Variants in NELL2 observed in about 807,000 individuals in gnomAD.
NELL2 encodes the protein neural EGFL like 2.
Under a neutral mutation model 109.6 loss-of-function variants are expected in NELL2, and 41 were observed. The ratio of observed to expected loss-of-function variants is 0.37; its 90% confidence interval spans 0.29 to 0.49. The LOEUF (loss-of-function observed/expected upper bound fraction) is 0.49, where lower values mean the gene tolerates loss of function less well. NELL2 is among the 20% of genes least tolerant of loss of function. NELL2 has a pLI of 0.98. For synonymous variants in NELL2, 355 were observed against 344.7 expected (o/e 1.03, Z -0.33); for missense variants, 900 against 1,008.3 (o/e 0.89, Z 1.45).
intron 13 of NELL2, among the ~76,000 whole-genome samples, chr12:44,652,126 T>C (rs1947320886): frequency 6.6e-6 from 1 of 152,304 alleles, no homozygotes; most frequent in South Asian, 2.1e-4. Context: ...CTTGCTGGCA[T>C]AGAGTACTCC....
At chr12:44,680,964 T>C (rs944252585) in intron 12 of NELL2, among the ~76,000 whole-genome samples, 3 of 152,152 alleles carry the variant, frequency 2.0e-5, no homozygotes, top group African/African-American at 4.8e-5. Flanking sequence ...TCAAATATGA[T>C]GTCAGCACTA....
At chr12:44,732,333 T>C (rs1244968691) in intron 9 of NELL2, among the ~76,000 whole-genome samples, 1 of 151,932 alleles carries the variant, frequency 6.6e-6, no homozygotes, top group Non-Finnish European at 1.5e-5. Context: ...AAAGCTACAG[T>C]ACATAAAACC....
intron 9 of NELL2, among the ~76,000 whole-genome samples, chr12:44,769,588 C>G (rs1378849135): frequency 6.6e-6 from 1 of 152,104 alleles, no homozygotes; most frequent in Non-Finnish European, 1.5e-5. Flanking sequence ...GTTTTACCCT[C>G]TGACCAAACA....
chr12:44,768,362 G>A (rs563290280), intron 9 of NELL2, among the ~76,000 whole-genome samples: 12 of 152,000 alleles, frequency 7.9e-5, no homozygotes, highest in African/African-American at 2.7e-4. Context: ...TATTTAGGAA[G>A]CCTACAGGAT....
chr12:44,803,225 C>T (rs1437262966), intron 3 of NELL2, among the ~76,000 whole-genome samples: 1 of 80,118 alleles, frequency 1.2e-5, no homozygotes, highest in Non-Finnish European at 3.0e-5. Flanking sequence ...ACTGGAACTG[C>T]TCCAGATTGA....
At chr12:44,564,137 T>G (rs74087611) in intron 15 of NELL2, among the ~76,000 whole-genome samples, 1 of 152,164 alleles carries the variant, frequency 6.6e-6, no homozygotes, top group African/African-American at 2.4e-5. Flanking sequence ...ATATGACAGT[T>G]GACTTACCAA....
intron 2 of NELL2, among the ~76,000 whole-genome samples, chr12:44,816,636 G>C (rs1472968454): frequency 6.6e-6 from 1 of 152,146 alleles, no homozygotes; most frequent in African/African-American, 2.4e-5. Context: ...GCTATAAATA[G>C]ATTTTTAAAA....
upstream of NELL2, chr12:44,876,812 G>A: frequency 7.4e-7 from 1 of 1,353,476 alleles, no homozygotes; most frequent in South Asian, 1.9e-5. Flanking sequence ...ACCAAAACAC[G>A]CTGCACTGCC....
intron 3 of NELL2, among the ~76,000 whole-genome samples, chr12:44,782,775 C>T (rs1566382901): frequency 6.6e-6 from 1 of 151,926 alleles, no homozygotes; most frequent in Non-Finnish European, 1.5e-5. Flanking sequence ...TGAAAGAATA[C>T]ATGGTAAAAT....
rs770749538 is a variant in NELL2 at position 44,522,074 on chromosome 12, G to T, written c.2101C>A (p.Leu701Ile). ...TACAAAGTTTCCCCATTTTGATGGAGGCACTGACTACTAAGCCTTGGGTCA... is the reference window on the plus strand; with the variant it reads ...TACAAAGTTTCCCCATTTTGATGGATGCACTGACTACTAAGCCTTGGGTCA... ...ECDPRLSSQC[L>I]HQNGETLYNS... Residue 701 changes from leucine to isoleucine, a missense_variant, in exon 18 of 20, where the codon CTC becomes ATC. Physicochemically the swap from Leu to Ile is conservative, Grantham distance 5. This residue lies in a region of NELL2 where 333 missense variants were observed against 432.3 expected (regional missense o/e 0.77). Coordinates refer to ENST00000429094, the MANE Select transcript of NELL2 (RefSeq NM_001145108.2). The T allele has an allele frequency of 6.8e-6, 11 of 1,614,088 alleles. No homozygotes were observed. In the South Asian group the frequency reaches 1.1e-4, roughly 16 times the overall value.
intron 19 of NELL2, among the ~76,000 whole-genome samples, chr12:44,511,773 C>G (rs1040840713): frequency 6.6e-6 from 1 of 152,134 alleles, no homozygotes; most frequent in Non-Finnish European, 1.5e-5. Flanking sequence ...GATTGATAAA[C>G]AGTTTAAGTT....
intron 15 of NELL2, among the ~76,000 whole-genome samples, chr12:44,566,969 G>A (rs2136190211): frequency 6.6e-6 from 1 of 152,068 alleles, no homozygotes; most frequent in East Asian, 1.9e-4. Context: ...GCACCACCAG[G>A]CCCGGCTAAT....
chr12:44,745,917 T>C (rs1209295051), intron 9 of NELL2, among the ~76,000 whole-genome samples: 3 of 152,142 alleles, frequency 2.0e-5, no homozygotes, highest in Non-Finnish European at 4.4e-5. Flanking sequence ...AAGCTACCAA[T>C]GACTTTCTTC....
At chr12:44,887,087 G>A (rs2703043) in intron 1 of NELL2, among the ~76,000 whole-genome samples, 108,300 of 151,970 alleles carry the variant, frequency 0.71, 39,994 homozygotes, top group East Asian at 0.94. Context: ...ATGGGAGTGC[G>A]TATGCCTTTT....
intron 9 of NELL2, among the ~76,000 whole-genome samples, chr12:44,728,728 G>A (rs950408295): frequency 6.6e-6 from 1 of 152,068 alleles, no homozygotes; most frequent in Admixed American, 6.5e-5. Flanking sequence ...TTCAAAAGAA[G>A]CAAAAGAAAA....
intron 9 of NELL2, among the ~76,000 whole-genome samples, chr12:44,766,086 A>T (rs1941322198): frequency 6.6e-6 from 1 of 151,462 alleles, no homozygotes; most frequent in African/African-American, 2.4e-5. Flanking sequence ...ACTCCGTATC[A>T]GAAAAAAAAA....
chr12:44,723,232 G>T (rs1251614210), intron 9 of NELL2, among the ~76,000 whole-genome samples: 1 of 151,946 alleles, frequency 6.6e-6, no homozygotes, highest in Non-Finnish European at 1.5e-5. Flanking sequence ...TGCTAGACGA[G>T]TTAAAAAATT....
intron 2 of NELL2, among the ~76,000 whole-genome samples, chr12:44,836,300 A>G (rs139377756): frequency 6.6e-6 from 1 of 152,186 alleles, no homozygotes; most frequent in Non-Finnish European, 1.5e-5. Flanking sequence ...ATCCCAATCT[A>G]TTCTCTGTCC....
At chr12:44,813,609 C>T (rs1943246307) in intron 3 of NELL2, among the ~76,000 whole-genome samples, 1 of 151,856 alleles carries the variant, frequency 6.6e-6, no homozygotes, top group East Asian at 1.9e-4. Context: ...GAGTTGAATA[C>T]CCAAAAGTAA....
Sources: allele counts gnomAD v4.1 joint callset (sites outside exome capture counted in the v4.1 genomes callset), GRCh38; gene constraint gnomAD v4.1.1; regional missense constraint gnomAD v4.1.1; transcripts MANE v1.5; gene names NCBI Gene and HGNC (gene_info 2026-07-23, HGNC 2026-07-21).